HNF4G: variants seen among roughly 807,000 people sequenced by gnomAD.
HNF4G encodes the protein hepatocyte nuclear factor 4 gamma, also known as hepatocyte nuclear factor 4-gamma.
A neutral mutation model predicts 50.9 loss-of-function variants in HNF4G; 21 were observed. That is an observed-to-expected ratio of 0.41 (90% CI 0.29 to 0.59). The LOEUF (loss-of-function observed/expected upper bound fraction) is 0.59. Ranked by LOEUF, HNF4G falls within the 20% of genes least tolerant of loss-of-function variation. The pLI is 0.26. For synonymous variants in HNF4G, 198 were observed against 185.6 expected (o/e 1.07, Z -0.54); for missense variants, 527 against 559.4 (o/e 0.94, Z 0.58).
intron 1 of HNF4G, among the ~76,000 whole-genome samples, chr8:75,429,131 A>G (rs1810950570): frequency 6.6e-6 from 1 of 152,196 alleles, no homozygotes; most frequent in African/African-American, 2.4e-5. Flanking sequence ...TAGCTTGCCT[A>G]AATGAATGGT....
chr8:75,460,886 A>G (rs1384824678), intron 1 of HNF4G, among the ~76,000 whole-genome samples: 2 of 152,196 alleles, frequency 1.3e-5, no homozygotes, highest in East Asian at 3.9e-4. Flanking sequence ...GCAGAAGAAA[A>G]CAGTCTTCAC....
chr8:75,443,065 G>T (rs545946110), intron 1 of HNF4G, among the ~76,000 whole-genome samples: 1 of 152,266 alleles, frequency 6.6e-6, no homozygotes, highest in South Asian at 2.1e-4. Flanking sequence ...TGAGGGCTCT[G>T]CCTTCGAGAA....
chr8:75,561,264 C>T (rs1355150355), intron 9 of HNF4G, among the ~76,000 whole-genome samples: 1 of 152,154 alleles, frequency 6.6e-6, no homozygotes, highest in Non-Finnish European at 1.5e-5. Context: ...ACACGTTTTC[C>T]TTCGCTGGGT....
At chr8:75,516,328 G>T (rs1438469280) in intron 2 of HNF4G, among the ~76,000 whole-genome samples, 1 of 151,814 alleles carries the variant, frequency 6.6e-6, no homozygotes, top group East Asian at 1.9e-4. Flanking sequence ...TTACCTACGG[G>T]TTATTTCTTG....
At chr8:75,450,387 A>T (rs62521435) in intron 1 of HNF4G, among the ~76,000 whole-genome samples, 24,135 of 152,134 alleles carry the variant, frequency 0.16, 2,236 homozygotes, top group African/African-American at 0.24. Context: ...AAAATCAAAT[A>T]TTAATAGCCT....
At chr8:75,423,137 T>G (rs1352947495) in intron 1 of HNF4G, among the ~76,000 whole-genome samples, 1 of 152,102 alleles carries the variant, frequency 6.6e-6, no homozygotes, top group Non-Finnish European at 1.5e-5. Flanking sequence ...AAACTATACA[T>G]CCATTTGAAA....
At chr8:75,488,053 C>T (rs1401662807) in intron 1 of HNF4G, among the ~76,000 whole-genome samples, 2 of 152,140 alleles carry the variant, frequency 1.3e-5, no homozygotes, top group African/African-American at 4.8e-5. Context: ...CCACCAGATC[C>T]CTCCCATGAC....
intron 2 of HNF4G, among the ~76,000 whole-genome samples, chr8:75,514,376 T>G (rs1409035912): frequency 6.7e-6 from 1 of 149,752 alleles, no homozygotes; most frequent in African/African-American, 2.4e-5. Flanking sequence ...CTTTCTTTTT[T>G]TTTTTTGTTG....
At chr8:75,504,225 A>AG (rs1813005679) in intron 2 of HNF4G, among the ~76,000 whole-genome samples, 1 of 111,916 alleles carries the variant, frequency 8.9e-6, no homozygotes, top group Non-Finnish European at 1.8e-5. Context: ...TGTCCAAAGC[A>AG]CACAGACACA....
intron 2 of HNF4G, among the ~76,000 whole-genome samples, chr8:75,532,249 T>A (rs1171656904): frequency 6.6e-6 from 1 of 152,074 alleles, no homozygotes; most frequent in African/African-American, 2.4e-5. Context: ...TTGTTTTCAT[T>A]TCTGGCTGAT....
intron 1 of HNF4G, among the ~76,000 whole-genome samples, chr8:75,462,136 C>T (rs747348842): frequency 1.3e-5 from 2 of 151,852 alleles, no homozygotes; most frequent in Non-Finnish European, 1.5e-5. Flanking sequence ...AGGCTGGTCT[C>T]GAACTCCCAA....
intron 4 of HNF4G, among the ~76,000 whole-genome samples, chr8:75,552,707 C>A (rs887543726): frequency 6.6e-6 from 1 of 152,054 alleles, no homozygotes; most frequent in South Asian, 2.1e-4. Flanking sequence ...TACTATCTAT[C>A]TATTTTTATA....
intron 1 of HNF4G, among the ~76,000 whole-genome samples, chr8:75,475,960 T>C (rs114892497): frequency 0.05 from 7,595 of 152,260 alleles, 275 homozygotes; most frequent in African/African-American, 0.091. Flanking sequence ...TTTTTTATTA[T>C]GAATTTGGGG....
chr8:75,534,340 GGA>G (rs34901729), intron 2 of HNF4G, among the ~76,000 whole-genome samples: 8,053 of 151,900 alleles, frequency 0.053, 287 homozygotes, highest in Non-Finnish European at 0.079. Flanking sequence ...CTTCTGAAAA[GGA>G]GAGTCTGCTT....
At chr8:75,482,684 T>C (rs1248094998) in intron 1 of HNF4G, among the ~76,000 whole-genome samples, 1 of 152,102 alleles carries the variant, frequency 6.6e-6, no homozygotes, top group Non-Finnish European at 1.5e-5. Context: ...TTGTTTTGTT[T>C]TGTTTTGGAT....
rs142064088 is a variant in HNF4G at position 75,420,413 on chromosome 8, T to C, written c.-144+12251T>C. Among the ~76,000 whole-genome samples the C allele has an allele frequency of 2.2e-4, 33 of 152,356 alleles. No individual in the cohort carries two copies. In the Middle Eastern group the frequency reaches 0.014, roughly 63 times the overall value. On this transcript the variant is annotated intron_variant, in intron 1 of 10. Coordinates refer to the HNF4G transcript ENST00000354370. Reference sequence around the variant, plus strand: ...TACTAGGAATAAAGTCCAGACTCTTTCTTGCGGCCTATGAGGTGTTTGACG... The same window carrying C: ...TACTAGGAATAAAGTCCAGACTCTTCCTTGCGGCCTATGAGGTGTTTGACG...
rs866717741 is a variant in HNF4G, at chr8:75,566,645, G to C, written c.*2549G>C. On this transcript the variant is annotated 3_prime_UTR_variant, in exon 10 of 10. Coordinates refer to ENST00000396423, the MANE Select transcript of HNF4G (RefSeq NM_004133.5). ...AGTATTCAACTTTTTTCAGGTAATA[G>C]AAGTGAATAATTTATTGTGAAATAA... 2.0e-5 allele frequency: 3 copies of C among 152,354 alleles called. No homozygotes were observed. The highest frequency in any genetic ancestry group is 7.2e-5 in the African/African-American group (3 of 41,412). 9.4% of individuals were successfully genotyped at this position (152,354 alleles called of 1,614,324 possible).
intron 1 of HNF4G, among the ~76,000 whole-genome samples, chr8:75,409,778 C>T (rs1239588663): frequency 2.0e-5 from 3 of 152,078 alleles, no homozygotes; most frequent in African/African-American, 7.2e-5. Context: ...TGAGCCACCC[C>T]ACCCGGCCTG....
At chr8:75,417,193 G>A (rs887394881) in intron 1 of HNF4G, among the ~76,000 whole-genome samples, 2 of 152,106 alleles carry the variant, frequency 1.3e-5, no homozygotes, top group Non-Finnish European at 2.9e-5. Context: ...TTTTATAGAT[G>A]AGGGTCACCC....
Sources: gnomAD v4.1 joint callset for allele counts (sites outside exome capture counted in the v4.1 genomes callset) on GRCh38, gnomAD v4.1.1 for gene constraint, MANE v1.5 for transcripts, NCBI Gene and HGNC (gene_info 2026-07-23, HGNC 2026-07-21) for gene names.